MAGEB16: variants seen among roughly 807,000 people sequenced by gnomAD.
MAGEB16 encodes the protein melanoma-associated antigen B16.
For missense variants in MAGEB16, 217 were observed against 234.0 expected, an observed-to-expected ratio of 0.93 and a Z score of 0.47; for synonymous variants, 95 against 92.1, an observed-to-expected ratio of 1.03 and a Z score of -0.18.
intron 1 of MAGEB16, among the ~76,000 whole-genome samples, chrX:35,799,971 G>A (rs745603903): frequency 3.6e-5 from 4 of 111,062 alleles, no homozygotes; most frequent in East Asian, 5.7e-4. Context: ...GAAGATTCCC[G>A]GGTGCTTAAA....
chrX:35,802,041 A>G lies in MAGEB16; in HGVS notation c.-66-90A>G, dbSNP rs1173506206. On this transcript the variant is annotated intron_variant, in intron 1 of 1. Coordinates refer to ENST00000399988, the Ensembl canonical transcript of MAGEB16. ...TGTGAGGCTCTATAACACTGCTGTC[A>G]GGAGAAGTCTATAGGCAGTGGCTTC... is the stretch of plus-strand genomic sequence containing the variant. 6.9e-6 allele frequency: 4 copies of G among 581,666 alleles called. No homozygotes were observed. In the East Asian group the frequency reaches 1.1e-4, roughly 15 times the overall value. The allele number at this position is 581,666 out of a possible 1,213,427, so 47.9% of individuals were successfully genotyped here.
At position 35,802,487 on chromosome X, in the gene MAGEB16, C is replaced by CT; in HGVS notation, c.292dup (p.Ser98PhefsTer50). 1 of 1,210,679 alleles carries CT rather than the reference C, an allele frequency of 8.3e-7. No homozygotes were observed. On this transcript the variant is annotated frameshift_variant, in exon 2 of 2. Transcript: ENST00000399988. LOFTEE classifies it low-confidence loss of function (END_TRUNC). ...ATCAAGAAGAGGAAGATAGTCCAAG[C>CT]TCCTCAGAGGATACATCAGACCCCA...
intron 1 of MAGEB16, chrX:35,800,401 T>C: frequency 2.1e-6 from 1 of 475,892 alleles, no homozygotes; most frequent in East Asian, 3.8e-5. Context: ...AATATAGGGG[T>C]AGGTGCATAA....
At chrX:35,799,174 G>A (rs1026574321) in intron 1 of MAGEB16, among the ~76,000 whole-genome samples, 1 of 109,573 alleles carries the variant, frequency 9.1e-6, no homozygotes, top group African/African-American at 3.3e-5. Context: ...GAGCCACTGC[G>A]CCCGGCCTCT....
Position 35,802,523 on chromosome X carries a change from C to T in MAGEB16, c.327C>T (p.Pro109=), listed in dbSNP as rs372893083. 11 of 1,209,664 alleles carry T rather than the reference C, an allele frequency of 9.1e-6. No individual in the cohort carries two copies. In the African/African-American group the frequency reaches 1.6e-4, roughly 17 times the overall value. The change falls in exon 2 of 2, where the codon CCC becomes CCT. Residue 109 remains proline, a synonymous_variant. Coordinates refer to ENST00000399988, the Ensembl canonical transcript of MAGEB16. ...ATACATCAGACCCCAGGAATGTGCC[C>T]GCAGATGCTCTCGACCAGAAAGTGG...
chrX:35,802,563 T>A lies in MAGEB16; in HGVS notation c.367T>A (p.Phe123Ile). The change falls in exon 2 of 2, where the codon TTC (phenylalanine) becomes ATC (isoleucine). Residue 123 changes from phenylalanine (F) to isoleucine (I), a missense_variant. By Grantham distance (21) the Phe-to-Ile change is conservative. Coordinates refer to ENST00000399988, the Ensembl canonical transcript of MAGEB16. ...CCAGAAAGTGGCTTTTTTGGTGAAT[T>A]TCATGCTGCACAAGTGTCAGATGAA... is the stretch of plus-strand genomic sequence containing the variant. 4.1e-6 allele frequency: 5 copies of A among 1,211,728 alleles called. No homozygotes were observed. Among genetic ancestry groups the A allele is most frequent in the Non-Finnish European group, 5.6e-6 (5 of 895,505 alleles).
Position 35,802,916 on chromosome X carries a change from C to T in MAGEB16, c.720C>T (p.His240=), listed in dbSNP as rs776186936. The change falls in exon 2 of 2, where the codon CAC becomes CAT. Residue 240 remains histidine, a synonymous_variant. Coordinates refer to ENST00000399988, the Ensembl canonical transcript of MAGEB16. The stretch of plus-strand genomic sequence containing the variant: ...CGGGAGTATATTCTGGGAAGAAGCA[C>T]TTCATCTTTGGAGAGCCCAGAATGC... 1.5e-5 allele frequency: 18 copies of T among 1,210,242 alleles called. No homozygotes were observed. The African/African-American group carries it at 3.1e-4, about 21-fold the overall frequency.
At position 35,802,895 on chromosome X, in the gene MAGEB16, AG is replaced by A. The variant is rs768403249; in HGVS notation, c.700del (p.Val234TyrfsTer22). On this transcript the variant is annotated frameshift_variant, in exon 2 of 2. Coordinates refer to ENST00000399988, the Ensembl canonical transcript of MAGEB16. LOFTEE classifies it low-confidence loss of function (END_TRUNC). ...TCTGGGAAGTGCTGAATTTGACGGG[AG>A]TATATTCTGGGAAGAAGCACTTCAT... 1 of 1,211,818 alleles carries A rather than the reference AG, an allele frequency of 8.3e-7. No homozygotes were observed. The highest frequency in any genetic ancestry group is 1.1e-6 in the Non-Finnish European group (1 of 895,537).
exon 1 of MAGEB16, chrX:35,798,348 G>A (rs1934830927): frequency 9.2e-6 from 1 of 108,545 alleles, no homozygotes; most frequent in African/African-American, 3.3e-5. Context: ...GGACTGTGAC[G>A]ACCTTATCTG....
At chrX:35,800,650 C>A in intron 1 of MAGEB16, 1 of 517,969 alleles carries the variant, frequency 1.9e-6, no homozygotes, top group South Asian at 2.5e-5. Flanking sequence ...GCCCTGCTGT[C>A]GGTTGTGGGA....
At chrX:35,802,703 TGTG>T (rs748872404) in exon 2 of MAGEB16, 1 of 1,211,712 alleles carries the variant, frequency 8.3e-7, no homozygotes, top group Admixed American at 2.2e-5. Flanking sequence ...TTGGCCTTGA[TGTG>T]GTGGAGGTGG....
At chrX:35,802,370 A>G (rs1047308977) in exon 2 of MAGEB16, 3 of 1,208,790 alleles carry the variant, frequency 2.5e-6, no homozygotes, top group Non-Finnish European at 3.4e-6. Context: ...CTGCTAAGGC[A>G]GAGAGTCCTC....
chrX:35,802,545 G>T (rs1204750956), exon 2 of MAGEB16: 1 of 1,211,954 alleles, frequency 8.3e-7, no homozygotes, highest in Non-Finnish European at 1.1e-6. Flanking sequence ...CGACCAGAAA[G>T]TGGCTTTTTT....
At chrX:35,798,670 T>C (rs1323860011) in intron 1 of MAGEB16, 3 of 111,760 alleles carry the variant, frequency 2.7e-5, no homozygotes, top group Admixed American at 9.5e-5. Context: ...CAATAGAACA[T>C]TGGCGGACAC....
chrX:35,802,405 C>T, exon 2 of MAGEB16: 2 of 1,208,237 alleles, frequency 1.7e-6, no homozygotes, highest in Non-Finnish European at 1.1e-6. Context: ...AGTTTCTGCT[C>T]CTCTTCCATT....
intron 1 of MAGEB16, among the ~76,000 whole-genome samples, chrX:35,799,174 GC>G (rs1394285983): frequency 2.7e-5 from 3 of 109,573 alleles, no homozygotes; most frequent in African/African-American, 1.0e-4. Flanking sequence ...GAGCCACTGC[GC>G]CCGGCCTCTG....
exon 2 of MAGEB16, chrX:35,803,026 G>T: frequency 8.3e-7 from 1 of 1,212,005 alleles, no homozygotes; most frequent in South Asian, 1.8e-5. Flanking sequence ...GAATTCCTGT[G>T]GGGCCCAAGA....
At chrX:35,802,291 A>G (rs1212415476) in exon 2 of MAGEB16, 2 of 1,210,821 alleles carry the variant, frequency 1.7e-6, no homozygotes, top group South Asian at 1.8e-5. Context: ...CAGGTCTCCA[A>G]GGCTCTGGAG....
chrX:35,801,530 C>T, intron 1 of MAGEB16, among the ~76,000 whole-genome samples: 1 of 111,916 alleles, frequency 8.9e-6, no homozygotes, highest in Non-Finnish European at 1.9e-5. Context: ...CACCTCACTA[C>T]CTCCTCCAGG....
Sources: gnomAD v4.1 joint callset for allele counts (sites outside exome capture counted in the v4.1 genomes callset) on GRCh38, gnomAD v4.1.1 for gene constraint, MANE v1.5 for transcripts, NCBI Gene and HGNC (gene_info 2026-07-23, HGNC 2026-07-21) for gene names.